The following ACAP1 variants were observed in gnomAD, a reference collection of about 807,000 sequenced individuals.
ACAP1 encodes the protein ArfGAP with coiled-coil, ankyrin repeat and PH domains 1, also known as arf-GAP with coiled-coil, ANK repeat and PH domain-containing protein 1.
A neutral mutation model predicts 98.8 loss-of-function variants in ACAP1; 45 were observed. The observed-to-expected ratio is 0.46, with a 90% CI of 0.36 to 0.58. The LOEUF is 0.58. Among genes scored for constraint, ACAP1 ranks in the 20% least tolerant of loss-of-function variants. The pLI is 0.00. For missense variants in ACAP1, 735 were observed against 971.4 expected (o/e 0.76, Z 3.24); for synonymous variants, 362 against 375.3 (o/e 0.96, Z 0.41).
chr17:7,347,697 A>G (rs1220782388), intron 14 of ACAP1: 7 of 593,496 alleles, frequency 1.2e-5, no homozygotes, highest in Non-Finnish European at 2.1e-5. Flanking sequence ...GAGGGCCTTG[A>G]AATGAAACCT....
rs1597656304 is a variant in ACAP1 at position 7,350,498 on chromosome 17, A to G, written c.2072+261A>G. On this transcript the variant is annotated intron_variant, in intron 20 of 21. Coordinates refer to ENST00000158762, the MANE Select transcript of ACAP1 (RefSeq NM_014716.4). The surrounding 1 kb of genome is among the most constrained non-coding windows in gnomAD (Gnocchi z 4.6). ...CCTGAGAGGCGTAATTCGCCCATCA[A>G]CATTGCTGTCAGGCATCTTTTTAGC... 9 of 551,692 alleles carry G rather than the reference A, an allele frequency of 1.6e-5. No individual in the cohort carries two copies. Among genetic ancestry groups the G allele is most frequent in the African/African-American group, 9.5e-5 (5 of 52,668 alleles). The allele number at this position is 551,692 out of a possible 1,614,324, so 34.2% of individuals were successfully genotyped here.
chr17:7,347,307 G>A (rs975578831), intron 14 of ACAP1, 65 bp downstream of exon 14: 2 of 1,428,676 alleles, frequency 1.4e-6, no homozygotes, highest in Non-Finnish European at 1.9e-6. Context: ...CCAATACAGA[G>A]CGCATCACAC....
In ACAP1 at chr17:7,336,697, C is replaced by A. The variant is rs1470387947; in HGVS notation, c.-38C>A. Reference sequence around the variant, plus strand: ...TCCACCTGCATCCCCAGGGGCCCGGCCTCCAGGGCCCGCTGGCCCCACAGC... The same window carrying A: ...TCCACCTGCATCCCCAGGGGCCCGGACTCCAGGGCCCGCTGGCCCCACAGC... On this transcript the variant is annotated 5_prime_UTR_variant, in exon 1 of 22. Transcript: ENST00000158762. 4 of 1,611,812 alleles carry A rather than the reference C, an allele frequency of 2.5e-6. No homozygotes were observed. The highest frequency in any genetic ancestry group is 2.7e-5 in the African/African-American group (2 of 74,900).
rs377337142 is a variant in ACAP1 at position 7,339,820 on chromosome 17, C to T, written c.112-2128C>T. On this transcript the variant is annotated intron_variant, in intron 2 of 21. Transcript: ENST00000158762. ...CAAGGAATTCCTTTACAGTGGTACC[C>T]GACACCCTTCCCACACTTCTTTAAT... 8.5e-5 allele frequency among the ~76,000 whole-genome samples: 13 copies of T among 152,214 alleles called. No individual in the cohort carries two copies. In the South Asian group the frequency reaches 2.1e-3, roughly 24 times the overall value.
chr17:7,340,076 C>T (rs180923260), intron 2 of ACAP1, among the ~76,000 whole-genome samples: 2 of 152,014 alleles, frequency 1.3e-5, no homozygotes, highest in Admixed American at 1.3e-4. Flanking sequence ...GCCTGGGCAA[C>T]ATAGCAAGAC....
rs1026705815 is a variant in ACAP1, at chr17:7,350,843, C to T, written c.2073-107C>T. On this transcript the variant is annotated intron_variant, in intron 20 of 21. Transcript: ENST00000158762. This position sits in a 1 kb window ranked among gnomAD's most constrained non-coding sequence, Gnocchi z 4.6. ...GCCAGGACGGTCTCGATCTCCTGAC[C>T]TCGTGATCCGCCTGCCTCGGCCTCC... is the stretch of plus-strand genomic sequence containing the variant. 4.6e-5 allele frequency: 50 copies of T among 1,093,950 alleles called. No homozygotes were observed. Among genetic ancestry groups the T allele is most frequent in the Non-Finnish European group, 4.9e-5 (35 of 721,332 alleles). The allele number at this position is 1,093,950 out of a possible 1,614,324, so 67.8% of individuals were successfully genotyped here. A position where few individuals can be genotyped will look rare whatever the true frequency, so the allele number is the denominator to read the frequency against.
chr17:7,348,139 C>T lies in ACAP1; in HGVS notation c.1426C>T (p.Leu476=), dbSNP rs1160650514. 6.2e-7 allele frequency: 1 copy of T among 1,614,076 alleles called. No homozygotes were observed. Among genetic ancestry groups the T allele is most frequent in the Admixed American group, 1.7e-5 (1 of 60,016 alleles). Residue 476 remains leucine (L), a synonymous_variant, in exon 16 of 22, where the codon CTG becomes TTG. Transcript: ENST00000158762. ...GGGCCTCCTGAAGCTCATGTGTGAG[C>T]TGGGAAATGTCATCATCAACCAGAT... ...EPELVKLMCE[L]GNVIINQIYE... is the part of the protein sequence containing the mutation.
chr17:7,342,159 C>T (rs2073289364), intron 3 of ACAP1, 92 bp downstream of exon 3: 1 of 1,608,216 alleles, frequency 6.2e-7, no homozygotes, highest in Non-Finnish European at 8.5e-7. Context: ...TCTGCAGGTT[C>T]CAGGCCACAG....
Position 7,342,009 on chromosome 17 carries a change from C to G in ACAP1, c.173C>G (p.Ala58Gly), listed in dbSNP as rs370190619. The part of the protein sequence containing the change: ...SGRHYLAASR[A>G]FVVGICDLAR... ...CGCCATTACCTTGCTGCCAGCCGCG[C>G]CTTCGTTGTCGGCATTTGTGACCTG... is the stretch of plus-strand genomic sequence containing the variant. The change falls in exon 3 of 22, where the codon GCC becomes GGC. Residue 58 changes from alanine (A) to glycine (G), a missense_variant. Ala to Gly is a moderately conservative substitution (Grantham distance 60, BLOSUM62 0). Transcript: ENST00000158762. 1.2e-6 allele frequency: 2 copies of G among 1,614,208 alleles called. No individual in the cohort carries two copies. The highest frequency in any genetic ancestry group is 8.5e-7 in the Non-Finnish European group (1 of 1,180,038).
rs559599550 is a variant in ACAP1 at position 7,341,020 on chromosome 17, G to A, written c.112-928G>A. On this transcript the variant is annotated intron_variant, in intron 2 of 21. Transcript: ENST00000158762. Reference sequence around the variant, plus strand: ...GTCAGTCAAAAGAGCCAGATAGGATGGGCCCCAGGAGTACCCCGGCATTTC... The same window carrying A: ...GTCAGTCAAAAGAGCCAGATAGGATAGGCCCCAGGAGTACCCCGGCATTTC... 2.6e-5 allele frequency among the ~76,000 whole-genome samples: 4 copies of A among 152,212 alleles called. No individual in the cohort carries two copies. In the East Asian group the frequency reaches 5.8e-4, roughly 22 times the overall value.
chr17:7,342,673 G>C (rs2073298802), intron 5 of ACAP1, 199 bp downstream of exon 5: 1 of 636,728 alleles, frequency 1.6e-6, no homozygotes, highest in Admixed American at 2.7e-5. Flanking sequence ...GCCAAGGCGG[G>C]CGGATCACCT....
At chr17:7,341,168 C>T (rs530889094) in intron 2 of ACAP1, among the ~76,000 whole-genome samples, 18 of 152,282 alleles carry the variant, frequency 1.2e-4, no homozygotes, top group Admixed American at 7.8e-4. Flanking sequence ...ATTTATTTTT[C>T]GAGACAGAGT....
chr17:7,351,017 C>G lies in ACAP1; in HGVS notation c.2122+18C>G. ...GCAGGCAGGTAAAGAATACACCCAC[C>G]CCACCCCCCAGGCCCAACACCTGAA... On this transcript the variant is annotated intron_variant, in intron 21 of 21. Coordinates refer to ENST00000158762, the MANE Select transcript of ACAP1 (RefSeq NM_014716.4). 6.2e-7 allele frequency: 1 copy of G among 1,613,378 alleles called. No homozygotes were observed.
rs1454023858 is a variant in ACAP1 at position 7,346,440 on chromosome 17, T to C, written c.956T>C (p.Leu319Pro). 2 of 1,613,592 alleles carry C rather than the reference T, an allele frequency of 1.2e-6. No individual in the cohort carries two copies. Among genetic ancestry groups the C allele is most frequent in the East Asian group, 2.2e-5 (1 of 44,898 alleles). The change falls in exon 12 of 22, where the codon CTC becomes CCC. Residue 319 changes from leucine to proline, a missense_variant. Physicochemically the swap from Leu to Pro is moderately conservative, Grantham distance 98. Transcript: ENST00000158762. ...GACCTTCGTCTCTGCACAGTGAAAC[T>C]CTGCCCTGACTCAGAAAGGCGGTTC... ...VDDLRLCTVK[L>P]CPDSERRFCF... is the part of the protein sequence containing the mutation.
At position 7,348,175 on chromosome 17, in the gene ACAP1, C is replaced by T. The variant is rs371306170; in HGVS notation, c.1462C>T (p.Arg488Cys). Residue 488 changes from arginine to cysteine, a missense_variant, in exon 16 of 22, where the codon CGC (arginine) becomes TGC (cysteine). Physicochemically the swap from Arg to Cys is radical, Grantham distance 180. This residue lies in a region of ACAP1 where 81 missense variants were observed against 132.0 expected (regional missense o/e 0.61). Transcript: ENST00000158762. ...CATCATCAACCAGATCTATGAGGCC[C>T]GCGTGGAGGCCATGGCAGTGAAGAA... ...NVIINQIYEARVEAMAVKKPG... is the reference protein window; with the variant it reads ...NVIINQIYEACVEAMAVKKPG... The T allele has an allele frequency of 2.7e-5, 44 of 1,613,858 alleles. No homozygotes were observed. In the South Asian group the frequency reaches 2.7e-4, roughly 10 times the overall value.
Position 7,344,392 on chromosome 17 carries a change from A to C in ACAP1, c.745-147A>C. ...CACAACTGCACTTAAGCCTGGGTGA[A>C]AGAACAAGACCCTGTCTCTAAAAAT... is the stretch of plus-strand genomic sequence containing the variant. On this transcript the variant is annotated intron_variant, in intron 9 of 21. Transcript: ENST00000158762. The surrounding 1 kb of genome is among the most constrained non-coding windows in gnomAD (Gnocchi z 4.9). 1.4e-6 allele frequency: 1 copy of C among 702,916 alleles called. No homozygotes were observed. Among genetic ancestry groups the C allele is most frequent in the Non-Finnish European group, 2.4e-6 (1 of 420,028 alleles). 43.5% of individuals were successfully genotyped at this position (702,916 alleles called of 1,614,324 possible). A position where few individuals can be genotyped will look rare whatever the true frequency, so the allele number is the denominator to read the frequency against.
chr17:7,346,169 G>C (rs2073343909), intron 10 of ACAP1, 75 bp from the exon 11 acceptor site: 1 of 1,432,926 alleles, frequency 7.0e-7, no homozygotes, highest in African/African-American at 1.4e-5. Context: ...GATCCTCATG[G>C]GCAAAAAGCA....
At chr17:7,345,063 G>T (rs1293424952) in intron 10 of ACAP1, among the ~76,000 whole-genome samples, 1 of 152,162 alleles carries the variant, frequency 6.6e-6, no homozygotes, top group African/African-American at 2.4e-5. Context: ...TGGACAGAGT[G>T]AGGGAGGAGG....
chr17:7,343,936 C>G lies in ACAP1; in HGVS notation c.649C>G (p.Arg217Gly), dbSNP rs1567629594. The G allele has an allele frequency of 6.3e-7, 1 of 1,598,960 alleles. No individual in the cohort carries two copies. Among genetic ancestry groups the G allele is most frequent in the Non-Finnish European group, 8.5e-7 (1 of 1,172,428 alleles). ...GGAGCTGAGCCGGCTGTCCCAGTAT[C>G]GAAAGGAGCTGGGCGCCCAGGTGGG... ...HEELSRLSQY[R>G]KELGAQLHQL... The change falls in exon 8 of 22, where the codon CGA becomes GGA. Residue 217 changes from arginine (R) to glycine (G), a missense_variant. Around this residue, in one of 5 missense-constraint regions of ACAP1, gnomAD observed 430 missense variants for 531.8 expected, o/e 0.81. Transcript: ENST00000158762. This position sits in a 1 kb window ranked among gnomAD's most constrained non-coding sequence, Gnocchi z 4.9.
Sources: gnomAD v4.1 joint callset for allele counts (sites outside exome capture counted in the v4.1 genomes callset) on GRCh38, gnomAD v4.1.1 for gene constraint, gnomAD v4.1.1 regional missense constraint, Gnocchi (gnomAD v3.1) non-coding constraint, MANE v1.5 for transcripts, NCBI Gene and HGNC (gene_info 2026-07-23, HGNC 2026-07-21) for gene names.